PCDHGA7: variants seen among roughly 807,000 people sequenced by gnomAD.
The protein encoded by PCDHGA7 is protocadherin gamma-A7.
A neutral mutation model predicts 58.3 loss-of-function variants in PCDHGA7; 44 were observed. The ratio of observed to expected loss-of-function variants is 0.75; its 90% CI spans 0.59 to 0.97. The LOEUF is 0.97. PCDHGA7 is among the 50% of genes least tolerant of loss of function. The probability of loss-of-function intolerance (pLI) is 0.00; values close to 1 mark genes in which losing one functional copy is unlikely to be tolerated. For synonymous variants in PCDHGA7, 516 were observed against 504.2 expected, an observed-to-expected ratio of 1.02 and a Z score of -0.31; for missense variants, 1,266 against 1,188.7, an observed-to-expected ratio of 1.06 and a Z score of -0.96.
At chr5:141,470,001 C>T (rs753591964) in intron 1 of PCDHGA7, among the ~76,000 whole-genome samples, 6 of 152,006 alleles carry the variant, frequency 3.9e-5, no homozygotes, top group Admixed American at 1.3e-4. Context: ...CGTCGTGGCA[C>T]GCCTGTAATC....
rs1008039711 is a variant in PCDHGA7 at position 141,394,856 on chromosome 5, G to C, written c.2424+9533G>C. 4 of 1,613,674 alleles carry C rather than the reference G, an allele frequency of 2.5e-6. No individual in the cohort carries two copies. In the African/African-American group the frequency reaches 5.3e-5, roughly 22 times the overall value. On this transcript the variant is annotated intron_variant, in intron 1 of 3. Coordinates refer to ENST00000518325, the MANE Select transcript of PCDHGA7 (RefSeq NM_018920.4). ...CCGAGTTGGGCAGTCTGAAGCCTTC[G>C]GTCGACCCGAACGATTCGAGCCTTA... is the stretch of plus-strand genomic sequence containing the variant.
intron 1 of PCDHGA7, chr5:141,413,078 C>A: frequency 7.7e-7 from 1 of 1,301,148 alleles, no homozygotes; most frequent in Non-Finnish European, 1.1e-6. Flanking sequence ...AGTGCCCAGG[C>A]TACAGAGACA....
At position 141,388,118 on chromosome 5, in the gene PCDHGA7, C is replaced by A. The variant is rs771996326; in HGVS notation, c.2424+2795C>A. The A allele has an allele frequency of 1.1e-5, 15 of 1,412,700 alleles. No homozygotes were observed. In the Admixed American group the frequency reaches 3.0e-4, roughly 28 times the overall value. The allele number at this position is 1,412,700 out of a possible 1,614,324, so 87.5% of individuals were successfully genotyped here. A position where few individuals can be genotyped will look rare whatever the true frequency, so the allele number is the denominator to read the frequency against. On this transcript the variant is annotated intron_variant, in intron 1 of 3. Coordinates refer to ENST00000518325, the MANE Select transcript of PCDHGA7 (RefSeq NM_018920.4). ...CGGAGAAGCCTTACTTCACCGTGAG[C>A]GCAGAGAGCGGGGAGTTGCTTGTGA...
At chr5:141,420,259 G>A (rs775335307) in intron 1 of PCDHGA7, 8 of 1,564,678 alleles carry the variant, frequency 5.1e-6, no homozygotes, top group Non-Finnish European at 6.9e-6. Context: ...AAGCAGATAA[G>A]AAGATTCTTA....
chr5:141,418,351 G>A, intron 1 of PCDHGA7: 1 of 1,614,026 alleles, frequency 6.2e-7, no homozygotes, highest in Non-Finnish European at 8.5e-7. Flanking sequence ...ATATTAGTAT[G>A]AATTCGCTGA....
chr5:141,394,802 C>A, intron 1 of PCDHGA7: 1 of 1,613,810 alleles, frequency 6.2e-7, no homozygotes, highest in East Asian at 2.2e-5. Context: ...TCACCGTAGC[C>A]GTGGCTGACA....
chr5:141,419,321 T>G, intron 1 of PCDHGA7: 1 of 1,613,950 alleles, frequency 6.2e-7, no homozygotes, highest in Non-Finnish European at 8.5e-7. Context: ...CGGCCGTGTC[T>G]CCTACTCTCT....
At chr5:141,474,041 GC>G (rs1242668125) in intron 1 of PCDHGA7, among the ~76,000 whole-genome samples, 3 of 152,140 alleles carry the variant, frequency 2.0e-5, no homozygotes. Context: ...CTGTACTCCA[GC>G]CTGGATGACA....
chr5:141,492,007 C>A, intron 1 of PCDHGA7: 1 of 629,072 alleles, frequency 1.6e-6, no homozygotes, highest in Non-Finnish European at 2.6e-6. Flanking sequence ...GCGATTTCCG[C>A]GGGTGTCGGG....
At chr5:141,494,223 C>T (rs1435042163) in intron 1 of PCDHGA7, among the ~76,000 whole-genome samples, 2 of 152,192 alleles carry the variant, frequency 1.3e-5, no homozygotes, top group African/African-American at 4.8e-5. Context: ...TGGCATGACT[C>T]CTAAATTAAT....
chr5:141,390,436 C>A, intron 1 of PCDHGA7: 1 of 949,978 alleles, frequency 1.1e-6, no homozygotes, highest in Non-Finnish European at 1.5e-6. Flanking sequence ...TCATATCATT[C>A]TACAAAGGAG....
chr5:141,470,035 G>A lies in PCDHGA7; in HGVS notation c.2425-24772G>A, dbSNP rs761812438. ...TCCCAGCTACTCGGGATGCTGAGGC[G>A]CGAGAACTGTTTGAACCCCGGAGGC... On this transcript the variant is annotated intron_variant, in intron 1 of 3. Transcript: ENST00000518325. Among the ~76,000 whole-genome samples, 97 of 152,224 alleles carry A rather than the reference G, an allele frequency of 6.4e-4. 2 individuals carry two copies. Among genetic ancestry groups the A allele is most frequent in the East Asian group, 1.2e-3 (6 of 5,170 alleles).
At chr5:141,388,576 T>C (rs774429693) in intron 1 of PCDHGA7, 13 of 1,613,890 alleles carry the variant, frequency 8.1e-6, no homozygotes, top group South Asian at 3.3e-5. Context: ...ATACACGTTC[T>C]AGTGACTGAT....
chr5:141,408,469 A>G (rs1454570616), intron 1 of PCDHGA7: 2 of 1,614,078 alleles, frequency 1.2e-6, no homozygotes, highest in South Asian at 2.2e-5. Flanking sequence ...TGAAGAACCG[A>G]ATAGACCGTG....
At position 141,409,990 on chromosome 5, in the gene PCDHGA7, C is replaced by G. The variant is rs377295503; in HGVS notation, c.2424+24667C>G. On this transcript the variant is annotated intron_variant, in intron 1 of 3. Transcript: ENST00000518325. The stretch of plus-strand genomic sequence containing the variant: ...TGACTAAGGTGGTAGCGGTGGACGC[C>G]GACTCGGGACACAACGCCTGGCTGT... 2.7e-5 allele frequency: 44 copies of G among 1,613,278 alleles called. No homozygotes were observed. The African/African-American group carries it at 5.3e-4, about 20-fold the overall frequency.
At chr5:141,436,300 G>A (rs966232889) in intron 1 of PCDHGA7, among the ~76,000 whole-genome samples, 1 of 152,180 alleles carries the variant, frequency 6.6e-6, no homozygotes, top group African/African-American at 2.4e-5. Flanking sequence ...TTGAGAGTTA[G>A]AGCATGAATA....
In PCDHGA7 at chr5:141,490,242, T is replaced by G. The variant is rs2099697678; in HGVS notation, c.2425-4565T>G. 6.2e-7 allele frequency: 1 copy of G among 1,614,194 alleles called. No individual in the cohort carries two copies. The highest frequency in any genetic ancestry group is 8.5e-7 in the Non-Finnish European group (1 of 1,180,028). ...GACAGCCTGCCATGGAGGGCCACTG[T>G]GTGATTCAAGTGGATGTGGGGGATG... On this transcript the variant is annotated intron_variant, in intron 1 of 3. Transcript: ENST00000518325. The surrounding 1 kb of genome is among the most constrained non-coding windows in gnomAD (Gnocchi z 5.4).
At chr5:141,481,193 A>AT (rs1437708630) in intron 1 of PCDHGA7, among the ~76,000 whole-genome samples, 4 of 152,216 alleles carry the variant, frequency 2.6e-5, no homozygotes, top group African/African-American at 7.2e-5. Context: ...GCCAGGCCCA[A>AT]TTTTTTTAAA....
At position 141,382,966 on chromosome 5, in the gene PCDHGA7, C is replaced by A. The variant is rs36077896; in HGVS notation, c.67C>A (p.Pro23Thr). ...FFLLSILLGT[P>T]WEAWAGRILY... ...CCTGCTCTCCATCCTCCTGGGGACC[C>A]CCTGGGAAGCCTGGGCAGGACGTAT... Residue 23 changes from proline to threonine, a missense_variant, in exon 1 of 4, where the codon CCC becomes ACC. Pro to Thr is a conservative substitution (Grantham distance 38). Coordinates refer to ENST00000518325, the MANE Select transcript of PCDHGA7 (RefSeq NM_018920.4). 1,675 of 1,609,050 alleles carry A rather than the reference C, an allele frequency of 1.0e-3. 6 individuals are homozygous for A. Among genetic ancestry groups the A allele is most frequent in the Middle Eastern group, 5.5e-3 (33 of 6,044 alleles).
Sources: allele counts gnomAD v4.1 joint callset (sites outside exome capture counted in the v4.1 genomes callset), GRCh38; gene constraint gnomAD v4.1.1; non-coding constraint Gnocchi (gnomAD v3.1); transcripts MANE v1.5; gene names NCBI Gene and HGNC (gene_info 2026-07-23, HGNC 2026-07-21).